The following PRKAG2 variants were observed in gnomAD, a reference collection of about 807,000 sequenced individuals.
PRKAG2 encodes the protein 5'-AMP-activated protein kinase subunit gamma-2.
A neutral mutation model predicts 69.6 loss-of-function variants in PRKAG2; 26 were observed. The ratio of observed to expected loss-of-function variants is 0.37; its 90% CI spans 0.27 to 0.52. The LOEUF is 0.52. PRKAG2 is among the 20% of genes least tolerant of loss of function. The probability of loss-of-function intolerance (pLI) is 0.90; values close to 1 mark genes in which losing one functional copy is unlikely to be tolerated. For synonymous variants in PRKAG2, 293 were observed against 285.0 expected (o/e 1.03, Z -0.28); for missense variants, 557 against 740.0 (o/e 0.75, Z 2.87).
rs1322594204 is a variant in PRKAG2 at position 151,777,701 on chromosome 7, G to A, written c.466+3451C>T. 3.4e-4 allele frequency among the ~76,000 whole-genome samples: 52 copies of A among 152,208 alleles called. 1 individual carries two copies. The highest frequency in any genetic ancestry group is 3.4e-3 in the Admixed American group (52 of 15,290). ...CCAGCCTCACAGGCTGGCTGGCTTT[G>A]CTCATTACCTGGGCGGAGGCCAAGC... On this transcript the variant is annotated intron_variant, in intron 3 of 15. Coordinates refer to ENST00000287878, the MANE Select transcript of PRKAG2 (RefSeq NM_016203.4). The surrounding 1 kb of genome is among the most constrained non-coding windows in gnomAD (Gnocchi z 4.3).
intron 1 of PRKAG2, among the ~76,000 whole-genome samples, chr7:151,867,919 G>T (rs569026628): frequency 1.1e-3 from 172 of 152,238 alleles, no homozygotes; most frequent in Non-Finnish European, 1.9e-3. Flanking sequence ...TCACTGCAGG[G>T]CCACCCCCAG....
chr7:151,688,570 T>G (rs1371578671), intron 3 of PRKAG2, among the ~76,000 whole-genome samples: 1 of 152,200 alleles, frequency 6.6e-6, no homozygotes, highest in East Asian at 1.9e-4. Context: ...CCCTGCCCTG[T>G]GCTGGCCAGG....
At chr7:151,730,403 A>G (rs894250833) in intron 3 of PRKAG2, among the ~76,000 whole-genome samples, 2 of 152,190 alleles carry the variant, frequency 1.3e-5, no homozygotes, top group Non-Finnish European at 2.9e-5. Context: ...GTGGTGGCTC[A>G]CATCTGTCAT....
intron 4 of PRKAG2, among the ~76,000 whole-genome samples, chr7:151,662,780 G>A (rs2151433604): frequency 6.6e-6 from 1 of 152,144 alleles, no homozygotes; most frequent in South Asian, 2.1e-4. Flanking sequence ...GTGTGTGCTG[G>A]TAATCCCAGC....
chr7:151,776,583 A>C (rs895496044), intron 3 of PRKAG2, among the ~76,000 whole-genome samples: 4 of 152,220 alleles, frequency 2.6e-5, no homozygotes, highest in African/African-American at 9.6e-5. Flanking sequence ...CCCCGGGTAC[A>C]CACGGGCCCC....
intron 6 of PRKAG2, among the ~76,000 whole-genome samples, chr7:151,584,914 T>C (rs574076605): frequency 6.6e-6 from 1 of 151,708 alleles, no homozygotes; most frequent in African/African-American, 2.4e-5. Context: ...AATAAATAAA[T>C]AAAAATTCTA....
intron 1 of PRKAG2, among the ~76,000 whole-genome samples, chr7:151,857,361 G>A (rs1319686838): frequency 6.8e-6 from 1 of 147,652 alleles, no homozygotes; most frequent in Non-Finnish European, 1.5e-5. Context: ...GTGAGAGGGG[G>A]CTGTGCCCAA....
At chr7:151,798,549 A>G (rs114331493) in intron 1 of PRKAG2, among the ~76,000 whole-genome samples, 1,867 of 152,306 alleles carry the variant, frequency 0.012, 41 homozygotes, top group African/African-American at 0.043. Flanking sequence ...TCCTGGGCTC[A>G]AGGGATATAC....
At chr7:151,805,684 A>G (rs577597770) in intron 1 of PRKAG2, among the ~76,000 whole-genome samples, 2 of 152,224 alleles carry the variant, frequency 1.3e-5, no homozygotes, top group African/African-American at 2.4e-5. Context: ...TCATTTGGAA[A>G]ACATGAGTTA....
intron 1 of PRKAG2, among the ~76,000 whole-genome samples, chr7:151,841,954 G>A (rs1372550269): frequency 2.0e-5 from 3 of 149,956 alleles, no homozygotes; most frequent in Non-Finnish European, 4.4e-5. Context: ...AGTGATGGTA[G>A]TGATGGTAGG....
At chr7:151,571,197 G>A (rs1387516325) in intron 9 of PRKAG2, among the ~76,000 whole-genome samples, 2 of 151,058 alleles carry the variant, frequency 1.3e-5, no homozygotes, top group African/African-American at 4.9e-5. Context: ...TCAGCCTCCC[G>A]AGTAGCTGGG....
chr7:151,726,544 G>A (rs1798005302), intron 3 of PRKAG2, among the ~76,000 whole-genome samples: 1 of 152,120 alleles, frequency 6.6e-6, no homozygotes, highest in Non-Finnish European at 1.5e-5. Flanking sequence ...AGCCCCGACT[G>A]GAAACCACGG....
chr7:151,714,451 G>GTCCTCCCATCCACATGCCGCCA (rs1292794090), intron 3 of PRKAG2, among the ~76,000 whole-genome samples: 1 of 104,962 alleles, frequency 9.5e-6, no homozygotes, highest in African/African-American at 4.2e-5. Context: ...GCGACCCGCC[G>GTCCTCCCATCCACATGCCGCCA]TCCTCCCATC....
intron 1 of PRKAG2, among the ~76,000 whole-genome samples, chr7:151,832,407 G>A (rs2079055096): frequency 6.6e-6 from 1 of 152,116 alleles, no homozygotes; most frequent in South Asian, 2.1e-4. Flanking sequence ...TGTTCACAGT[G>A]CCTTCCCAGG....
chr7:151,621,610 T>C lies in PRKAG2; in HGVS notation c.754+10459A>G, dbSNP rs1006190960. On this transcript the variant is annotated intron_variant, in intron 5 of 15. Transcript: ENST00000287878. ...GCCAATTTAAAGTGTACCATCTCTG[T>C]TGCCCAGGCTGGAGTGCAGTGGTGT... is the stretch of plus-strand genomic sequence containing the variant. Among the ~76,000 whole-genome samples the C allele has an allele frequency of 2.6e-5, 4 of 152,346 alleles. No individual in the cohort carries two copies. The South Asian group carries it at 8.3e-4, about 32-fold the overall frequency.
chr7:151,708,603 G>A (rs1349618205), intron 3 of PRKAG2, among the ~76,000 whole-genome samples: 1 of 152,104 alleles, frequency 6.6e-6, no homozygotes, highest in South Asian at 2.1e-4. Context: ...ATGCCTGTAG[G>A]GTCCTGGCAA....
intron 3 of PRKAG2, among the ~76,000 whole-genome samples, chr7:151,752,921 G>A (rs989995521): frequency 6.6e-6 from 1 of 152,198 alleles, no homozygotes; most frequent in East Asian, 1.9e-4. Context: ...GGTGGCAGAC[G>A]CCCCCTTCAC....
chr7:151,703,314 T>A (rs1430720682), intron 3 of PRKAG2, among the ~76,000 whole-genome samples: 2 of 152,208 alleles, frequency 1.3e-5, no homozygotes, highest in Non-Finnish European at 2.9e-5. Flanking sequence ...TGCTTTTCAA[T>A]GTGTCTTCAG....
At chr7:151,826,322 A>G (rs779126469) in intron 1 of PRKAG2, among the ~76,000 whole-genome samples, 2 of 152,180 alleles carry the variant, frequency 1.3e-5, no homozygotes, top group Non-Finnish European at 2.9e-5. Context: ...CTGGGATTAC[A>G]GGCACCGACC....
Sources: allele counts gnomAD v4.1 joint callset (sites outside exome capture counted in the v4.1 genomes callset), GRCh38; gene constraint gnomAD v4.1.1; non-coding constraint Gnocchi (gnomAD v3.1); transcripts MANE v1.5; gene names NCBI Gene and HGNC (gene_info 2026-07-23, HGNC 2026-07-21).